Variants in CFAP99 observed in about 807,000 individuals in gnomAD.
CFAP99 encodes cilia- and flagella-associated protein 99.
In CFAP99, 84 loss-of-function variants were observed where a neutral mutation model predicts 82.7. The observed-to-expected ratio is 1.02, with a 90% CI of 0.85 to 1.22. The LOEUF is 1.22. CFAP99 is among the 50% of genes most tolerant of loss of function. CFAP99 has a pLI of 0.00. For synonymous variants in CFAP99, 456 were observed against 429.5 expected (o/e 1.06, Z -0.76); for missense variants, 1,059 against 983.5 (o/e 1.08, Z -1.03).
At chr4:2,429,834 G>A (rs551974258) in intron 2 of CFAP99, among the ~76,000 whole-genome samples, 3 of 152,166 alleles carry the variant, frequency 2.0e-5, no homozygotes, top group East Asian at 1.9e-4. Context: ...CTTGTGATCC[G>A]CCCGCCTCGG....
At chr4:2,442,669 C>T (rs924871310) in intron 4 of CFAP99, among the ~76,000 whole-genome samples, 5 of 152,154 alleles carry the variant, frequency 3.3e-5, no homozygotes, top group Admixed American at 2.0e-4. Context: ...AACTGGCTTT[C>T]GGGAAGTTGA....
intron 2 of CFAP99, among the ~76,000 whole-genome samples, chr4:2,430,070 A>G (rs1284765476): frequency 1.3e-5 from 2 of 151,800 alleles, no homozygotes; most frequent in Non-Finnish European, 2.9e-5. Flanking sequence ...ACATAAACCA[A>G]ACGGCAGACT....
chr4:2,424,432 A>G (rs1406971041), intron 1 of CFAP99, among the ~76,000 whole-genome samples: 1 of 152,154 alleles, frequency 6.6e-6, no homozygotes, highest in African/African-American at 2.4e-5. Flanking sequence ...CAGCCTGGGC[A>G]ACAAGAGCAA....
In CFAP99 at chr4:2,462,439, C is replaced by G. The variant is rs1271999053; in HGVS notation, c.1662-4C>G. 1.4e-6 allele frequency: 2 copies of G among 1,437,438 alleles called. No homozygotes were observed. The highest frequency in any genetic ancestry group is 1.8e-6 in the Non-Finnish European group (2 of 1,107,876). The allele number at this position is 1,437,438 out of a possible 1,614,324, so 89.0% of individuals were successfully genotyped here. On this transcript the variant is annotated splice_polypyrimidine_tract_variant and splice_region_variant and intron_variant, in intron 14 of 14. Transcript: ENST00000635017. The surrounding 1 kb of genome is among the most constrained non-coding windows in gnomAD (Gnocchi z 4.1). The stretch of plus-strand genomic sequence containing the variant: ...GCTCCTGAGCCCGCCGCGTCGCCCG[C>G]CAGGTGGGAGGAAAAGAAGGCCCTT...
At chr4:2,458,331 G>A (rs1256131182) in intron 11 of CFAP99, among the ~76,000 whole-genome samples, 3 of 152,244 alleles carry the variant, frequency 2.0e-5, no homozygotes, top group South Asian at 2.1e-4. Context: ...CAGAAAAGCC[G>A]TAAATATAGA....
chr4:2,432,958 G>A (rs1733827603), intron 2 of CFAP99, among the ~76,000 whole-genome samples: 1 of 152,008 alleles, frequency 6.6e-6, no homozygotes, highest in Admixed American at 6.5e-5. Flanking sequence ...CACCCCTGAG[G>A]CATGTGTCAC....
intron 11 of CFAP99, among the ~76,000 whole-genome samples, chr4:2,454,070 C>T (rs1734367899): frequency 6.6e-6 from 1 of 152,062 alleles, no homozygotes; most frequent in Admixed American, 6.6e-5. Flanking sequence ...ATGATCATGG[C>T]TCACTGCAAC....
intron 10 of CFAP99, among the ~76,000 whole-genome samples, chr4:2,451,654 C>A (rs1160754043): frequency 6.6e-6 from 1 of 152,192 alleles, no homozygotes; most frequent in Non-Finnish European, 1.5e-5. Context: ...CTGATGCCCC[C>A]ATCTCCTAGA....
chr4:2,451,134 G>A (rs993350175), intron 9 of CFAP99, 116 bp downstream of exon 9: 27 of 1,445,084 alleles, frequency 1.9e-5, no homozygotes, highest in Admixed American at 4.0e-5. Flanking sequence ...TCCCAAGGAC[G>A]GCCCCACCCT....
At chr4:2,457,091 C>T (rs1734454108) in intron 11 of CFAP99, among the ~76,000 whole-genome samples, 1 of 151,426 alleles carries the variant, frequency 6.6e-6, no homozygotes, top group East Asian at 2.0e-4. Flanking sequence ...TAGCTGGGAC[C>T]ACAGGCAGGA....
intron 11 of CFAP99, among the ~76,000 whole-genome samples, chr4:2,457,988 T>C (rs1734475334): frequency 6.6e-6 from 1 of 152,214 alleles, no homozygotes; most frequent in African/African-American, 2.4e-5. Flanking sequence ...CTGTGTGTCT[T>C]ACTCCCAAGC....
At chr4:2,426,579 C>G in exon 2 of CFAP99, 1 of 1,534,054 alleles carries the variant, frequency 6.5e-7, no homozygotes, top group Non-Finnish European at 8.7e-7. Context: ...GCGGCCACCT[C>G]CCTGCAGGTA....
intron 4 of CFAP99, among the ~76,000 whole-genome samples, chr4:2,439,090 G>A (rs924716611): frequency 1.1e-4 from 16 of 152,236 alleles, no homozygotes; most frequent in African/African-American, 2.9e-4. Context: ...GCCTGGGCCT[G>A]TTGCTGGCTG....
chr4:2,445,156 A>C (rs1052648554), exon 6 of CFAP99: 28 of 1,398,578 alleles, frequency 2.0e-5, no homozygotes, highest in Non-Finnish European at 2.1e-5. Flanking sequence ...CCAGGAGCTG[A>C]TCAACCACCT....
chr4:2,460,025 A>G lies in CFAP99; in HGVS notation c.1456-12A>G. On this transcript the variant is annotated splice_polypyrimidine_tract_variant and intron_variant, in intron 13 of 14. Transcript: ENST00000635017. ...CAGCTCCCAGCTTGGGGCCTCCCCT[A>G]CCACCCCACAGATCCCCGGCTACGG... 1 of 1,535,434 alleles carries G rather than the reference A, an allele frequency of 6.5e-7. No individual in the cohort carries two copies.
At chr4:2,454,581 C>CTTTTTTTTTTTTTTTTTTTTTTT (rs200727697) in intron 11 of CFAP99, among the ~76,000 whole-genome samples, 27 of 94,692 alleles carry the variant, frequency 2.9e-4, no homozygotes, top group East Asian at 1.1e-3. Context: ...TGTTTTTTTT[C>CTTTTTTTTTTTTTTTTTTTTTTT]TTTTTTTTTT....
intron 1 of CFAP99, among the ~76,000 whole-genome samples, chr4:2,420,804 T>C (rs1252655688): frequency 6.6e-6 from 1 of 152,236 alleles, no homozygotes; most frequent in Non-Finnish European, 1.5e-5. Context: ...CGTTTCTTCA[T>C]GATCCAGGAT....
chr4:2,459,196 T>G (rs1734514719), exon 13 of CFAP99: 5 of 1,535,632 alleles, frequency 3.3e-6, no homozygotes, highest in Non-Finnish European at 4.4e-6. Flanking sequence ...TGAACTCATC[T>G]CCCAGCTGCG....
chr4:2,423,705 C>T (rs1187886586), intron 1 of CFAP99, among the ~76,000 whole-genome samples: 1 of 152,246 alleles, frequency 6.6e-6, no homozygotes, highest in Admixed American at 6.5e-5. Flanking sequence ...CTCATCTTGC[C>T]CAGGCAAGCC....
Sources: allele counts gnomAD v4.1 joint callset (sites outside exome capture counted in the v4.1 genomes callset), GRCh38; gene constraint gnomAD v4.1.1; non-coding constraint Gnocchi (gnomAD v3.1); transcripts MANE v1.5; gene names NCBI Gene and HGNC (gene_info 2026-07-23, HGNC 2026-07-21).